Variants in GPC5 observed in about 807,000 individuals in gnomAD.
The protein encoded by GPC5 is glypican-5.
A neutral mutation model predicts 53.9 loss-of-function variants in GPC5; 47 were observed. The observed-to-expected ratio is 0.87, with a 90% CI of 0.69 to 1.11. The LOEUF (loss-of-function observed/expected upper bound fraction) is 1.11, where lower values mean the gene tolerates loss of function less well. GPC5 is among the 50% of genes most tolerant of loss of function. The pLI, the probability that GPC5 is intolerant of heterozygous loss-of-function variation, is 0.00. For synonymous variants in GPC5, 286 were observed against 263.3 expected, an observed-to-expected ratio of 1.09 and a Z score of -0.84; for missense variants, 748 against 713.1, an observed-to-expected ratio of 1.05 and a Z score of -0.56.
At chr13:91,985,310 A>T (rs375399268) in intron 6 of GPC5, among the ~76,000 whole-genome samples, 2 of 147,812 alleles carry the variant, frequency 1.4e-5, no homozygotes, top group African/African-American at 4.9e-5. Context: ...TTTTGTCATC[A>T]TTTACTTTTA....
At chr13:91,678,144 T>C (rs1045317273) in intron 2 of GPC5, among the ~76,000 whole-genome samples, 15 of 152,230 alleles carry the variant, frequency 9.9e-5, no homozygotes, top group African/African-American at 3.6e-4. Context: ...AAACTGTCTG[T>C]AACTTCGGAG....
intron 4 of GPC5, among the ~76,000 whole-genome samples, chr13:91,750,140 C>T (rs1245555638): frequency 1.3e-5 from 2 of 152,116 alleles, no homozygotes; most frequent in African/African-American, 4.8e-5. Context: ...GTTGATTCTG[C>T]ATTCAACTTG....
chr13:92,353,997 T>C (rs189804436), intron 7 of GPC5, among the ~76,000 whole-genome samples: 11 of 152,334 alleles, frequency 7.2e-5, no homozygotes, highest in Non-Finnish European at 1.0e-4. Flanking sequence ...AGTTGTTATA[T>C]GCCTAATGTT....
intron 6 of GPC5, among the ~76,000 whole-genome samples, chr13:91,970,816 C>G (rs1397994715): frequency 1.3e-5 from 2 of 152,124 alleles, no homozygotes; most frequent in East Asian, 3.9e-4. Context: ...GGGATGAAGC[C>G]CACTTGATCA....
chr13:92,432,940 CA>C (rs1421506235), intron 7 of GPC5, among the ~76,000 whole-genome samples: 18 of 151,918 alleles, frequency 1.2e-4, no homozygotes, highest in Admixed American at 1.2e-3. Context: ...TTATAACCTG[CA>C]ACTAGGTGAG....
intron 2 of GPC5, among the ~76,000 whole-genome samples, chr13:91,634,861 C>T (rs1402100818): frequency 6.6e-6 from 1 of 152,024 alleles, no homozygotes; most frequent in Non-Finnish European, 1.5e-5. Flanking sequence ...ATAATTTATT[C>T]ACAACAACAT....
At chr13:92,427,678 T>A (rs970353484) in intron 7 of GPC5, among the ~76,000 whole-genome samples, 3 of 152,086 alleles carry the variant, frequency 2.0e-5, no homozygotes, top group Admixed American at 6.6e-5. Context: ...ATTTTTCCGA[T>A]GATTCCATTG....
rs2039437691 is a variant in GPC5 at position 91,896,019 on chromosome 13, A to G, written c.1281-11918A>G. Among the ~76,000 whole-genome samples, 3 of 152,094 alleles carry G rather than the reference A, an allele frequency of 2.0e-5. No individual in the cohort carries two copies. The South Asian group carries it at 6.2e-4, about 32-fold the overall frequency. Reference sequence around the variant, plus strand: ...TTGTCTTCTCCATTTCTGTCTGTAAAAAATGACCTCTGCCTCAGCCTTACA... The same window carrying G: ...TTGTCTTCTCCATTTCTGTCTGTAAGAAATGACCTCTGCCTCAGCCTTACA... On this transcript the variant is annotated intron_variant, in intron 5 of 7. Transcript: ENST00000377067.
chr13:91,561,344 A>G (rs77113405), intron 2 of GPC5, among the ~76,000 whole-genome samples: 2,752 of 152,292 alleles, frequency 0.018, 78 homozygotes, highest in African/African-American at 0.063. Context: ...CTACCCCAAT[A>G]GCAAACCAGA....
intron 7 of GPC5, among the ~76,000 whole-genome samples, chr13:92,385,700 C>T (rs915869859): frequency 3.4e-5 from 4 of 118,478 alleles, no homozygotes; most frequent in South Asian, 2.5e-4. Flanking sequence ...TACCTATATA[C>T]ACATATATAC....
intron 6 of GPC5, among the ~76,000 whole-genome samples, chr13:91,973,917 G>C (rs893313165): frequency 6.6e-6 from 1 of 152,186 alleles, no homozygotes; most frequent in African/African-American, 2.4e-5. Flanking sequence ...TCCCAGTTAG[G>C]CTGCTCGGGG....
rs561237459 is a variant in GPC5, at chr13:92,511,205, C to A, written c.1562-355077C>A. 5.9e-5 allele frequency among the ~76,000 whole-genome samples: 9 copies of A among 152,142 alleles called. No homozygotes were observed. The South Asian group carries it at 1.7e-3, about 28-fold the overall frequency. On this transcript the variant is annotated intron_variant, in intron 7 of 7. Transcript: ENST00000377067. The stretch of plus-strand genomic sequence containing the variant: ...TCTATTTTAATTATTCTGGCTTTTT[C>A]TCAAGTAAATCTGCTATTTTTAGAA...
At chr13:92,453,106 A>T (rs1233537309) in intron 7 of GPC5, among the ~76,000 whole-genome samples, 3 of 152,166 alleles carry the variant, frequency 2.0e-5, no homozygotes. Context: ...TATGAATGTG[A>T]TTATTTTTCA....
intron 7 of GPC5, among the ~76,000 whole-genome samples, chr13:92,584,642 C>T (rs532610848): frequency 2.9e-4 from 44 of 152,150 alleles, no homozygotes; most frequent in African/African-American, 6.7e-4. Flanking sequence ...AACTAGGAGG[C>T]GAATGTTAAT....
Position 92,398,428 on chromosome 13 carries a change from C to CAAAAAAAAAAAAAAAAAAAAAAAA in GPC5, c.1561+253461_1561+253462insAAAAAAAAAAAAAAAAAAAAAAAA, listed in dbSNP as rs35873316. Among the ~76,000 whole-genome samples the CAAAAAAAAAAAAAAAAAAAAAAAA allele has an allele frequency of 2.4e-4, 21 of 87,640 alleles. No homozygotes were observed. In the East Asian group the frequency reaches 2.6e-3, roughly 11 times the overall value. 57.5% of individuals were successfully genotyped at this position (87,640 alleles called of 152,430 possible). A position where few individuals can be genotyped will look rare whatever the true frequency, so the allele number is the denominator to read the frequency against. ...TGGGCGACAGAGCGAGACTCCGTCT[C>CAAAAAAAAAAAAAAAAAAAAAAAA]AAAAAAAAAAAAAAAAAAAAAATTA... On this transcript the variant is annotated intron_variant, in intron 7 of 7. Transcript: ENST00000377067.
At chr13:92,826,672 T>TA (rs776235146) in intron 7 of GPC5, among the ~76,000 whole-genome samples, 4 of 152,166 alleles carry the variant, frequency 2.6e-5, no homozygotes, top group Non-Finnish European at 5.9e-5. Flanking sequence ...CATGTATACT[T>TA]AGTTTTACCA....
At chr13:91,741,779 C>A (rs2036939314) in intron 4 of GPC5, among the ~76,000 whole-genome samples, 1 of 151,974 alleles carries the variant, frequency 6.6e-6, no homozygotes, top group Non-Finnish European at 1.5e-5. Context: ...ATATACTGGA[C>A]TTAATGATGA....
At chr13:92,601,814 C>G (rs1304417258) in intron 7 of GPC5, among the ~76,000 whole-genome samples, 2 of 151,742 alleles carry the variant, frequency 1.3e-5, no homozygotes, top group African/African-American at 2.4e-5. Flanking sequence ...AAGAGAAATA[C>G]AGAAATCTGT....
At chr13:92,613,483 T>C (rs1345138351) in intron 7 of GPC5, among the ~76,000 whole-genome samples, 2 of 99,034 alleles carry the variant, frequency 2.0e-5, no homozygotes, top group Non-Finnish European at 3.7e-5. Flanking sequence ...AATTTATATA[T>C]AAATATGTAA....
Sources: allele counts gnomAD v4.1 joint callset (sites outside exome capture counted in the v4.1 genomes callset), GRCh38; gene constraint gnomAD v4.1.1; transcripts MANE v1.5; gene names NCBI Gene and HGNC (gene_info 2026-07-23, HGNC 2026-07-21).